GNA12: variants seen among roughly 807,000 people sequenced by gnomAD.
GNA12 encodes guanine nucleotide-binding protein subunit alpha-12.
GNA12 carries 9 observed loss-of-function variants against 26.0 expected under a neutral mutation model. That is an observed-to-expected ratio of 0.35 (90% CI 0.21 to 0.60). The LOEUF (loss-of-function observed/expected upper bound fraction) is 0.60, where lower values mean the gene tolerates loss of function less well. Ranked by LOEUF, GNA12 falls within the 20% of genes least tolerant of loss-of-function variation. The pLI is 0.78. For synonymous variants in GNA12, 264 were observed against 219.6 expected, an observed-to-expected ratio of 1.20 and a Z score of -1.79; for missense variants, 405 against 525.8, an observed-to-expected ratio of 0.77 and a Z score of 2.25.
chr7:2,759,562 G>T (rs894820898), intron 2 of GNA12, among the ~76,000 whole-genome samples: 5 of 152,380 alleles, frequency 3.3e-5, no homozygotes, highest in Non-Finnish European at 7.3e-5. Context: ...GAATAGTGGT[G>T]ACGCTGGGGT....
intron 1 of GNA12, among the ~76,000 whole-genome samples, chr7:2,800,645 G>A (rs1047113374): frequency 6.6e-6 from 1 of 152,148 alleles, no homozygotes; most frequent in African/African-American, 2.4e-5. Flanking sequence ...TGGAGAGGGA[G>A]GGTTAGCAGA....
intron 3 of GNA12, among the ~76,000 whole-genome samples, chr7:2,732,256 TTAA>T (rs1356054459): frequency 1.3e-5 from 2 of 152,194 alleles, no homozygotes; most frequent in African/African-American, 2.4e-5. Flanking sequence ...CTTTGCACTA[TTAA>T]TAATCCTCCA....
In GNA12 at chr7:2,730,803, T is replaced by C. The variant is rs1304439078; in HGVS notation, c.*378A>G. On this transcript the variant is annotated 3_prime_UTR_variant, in exon 4 of 4. Transcript: ENST00000275364. ...TCTGCAAGGCCAGCTGGTTTTTGTG[T>C]TTCTGTCATTAAAGACAGAGCGTGT... is the stretch of plus-strand genomic sequence containing the variant. 2 of 174,098 alleles carry C rather than the reference T, an allele frequency of 1.1e-5. No homozygotes were observed. Among genetic ancestry groups the C allele is most frequent in the Non-Finnish European group, 2.5e-5 (2 of 81,620 alleles). 10.8% of individuals were successfully genotyped at this position (174,098 alleles called of 1,614,324 possible).
chr7:2,796,112 C>T lies in GNA12; in HGVS notation c.310-969G>A, dbSNP rs570591508. Among the ~76,000 whole-genome samples the T allele has an allele frequency of 8.7e-4, 126 of 144,630 alleles. 1 individual carries two copies. The highest frequency in any genetic ancestry group is 1.3e-3 in the Non-Finnish European group (91 of 67,932). 94.9% of individuals were successfully genotyped at this position (144,630 alleles called of 152,430 possible). A position where few individuals can be genotyped will look rare whatever the true frequency, so the allele number is the denominator to read the frequency against. The stretch of plus-strand genomic sequence containing the variant: ...AACTCCTGACCTCAGCTGATCCGCC[C>T]GCCTCAGCCTCCCCGCCAAAAAAAC... On this transcript the variant is annotated intron_variant, in intron 1 of 3. Coordinates refer to ENST00000275364, the MANE Select transcript of GNA12 (RefSeq NM_007353.3).
chr7:2,843,276 G>A (rs1779055767), intron 1 of GNA12, among the ~76,000 whole-genome samples: 1 of 152,144 alleles, frequency 6.6e-6, no homozygotes, highest in Admixed American at 6.5e-5. Context: ...AGGGGGCTAA[G>A]TGCCAAGCCC....
intron 2 of GNA12, among the ~76,000 whole-genome samples, chr7:2,773,105 G>A (rs896266212): frequency 6.6e-6 from 1 of 152,232 alleles, no homozygotes; most frequent in African/African-American, 2.4e-5. Context: ...TGGTCACCAG[G>A]AGGAGTGGTA....
intron 2 of GNA12, among the ~76,000 whole-genome samples, chr7:2,743,922 C>T (rs1790634312): frequency 6.6e-6 from 1 of 151,910 alleles, no homozygotes; most frequent in Non-Finnish European, 1.5e-5. Context: ...TTGCTCATTG[C>T]TAGCACAGCA....
Position 2,780,051 on chromosome 7 carries a change from C to CATATATATATATATAT in GNA12, c.525+14861_525+14876dup, listed in dbSNP as rs3996399. Among the ~76,000 whole-genome samples the CATATATATATATATAT allele has an allele frequency of 3.1e-4, 19 of 62,196 alleles. 1 individual carries two copies. Among genetic ancestry groups the CATATATATATATATAT allele is most frequent in the East Asian group, 8.9e-4 (2 of 2,236 alleles). The allele number at this position is 62,196 out of a possible 152,430, so 40.8% of individuals were successfully genotyped here. ...CTAGTTTTTTACACATTTCTGTGTACATATATATATATATATATATATATA... is the reference window on the plus strand; with the variant it reads ...CTAGTTTTTTACACATTTCTGTGTACATATATATATATATATATATATATATATATATATATATATA... On this transcript the variant is annotated intron_variant, in intron 2 of 3. Transcript: ENST00000275364.
intron 1 of GNA12, among the ~76,000 whole-genome samples, chr7:2,831,238 T>G (rs1793598636): frequency 6.6e-6 from 1 of 151,934 alleles, no homozygotes; most frequent in South Asian, 2.1e-4. Context: ...TTTCTATTTC[T>G]CAATTCTGAC....
At chr7:2,805,880 G>A (rs1273284707) in intron 1 of GNA12, among the ~76,000 whole-genome samples, 2 of 152,108 alleles carry the variant, frequency 1.3e-5, no homozygotes, top group Admixed American at 1.3e-4. Context: ...CTCTGTCCCA[G>A]CCACGAGGGC....
intron 3 of GNA12, among the ~76,000 whole-genome samples, chr7:2,732,728 C>T (rs1010599540): frequency 1.3e-5 from 2 of 152,150 alleles, no homozygotes; most frequent in Non-Finnish European, 2.9e-5. Flanking sequence ...AATAACACTG[C>T]AGGGGTGGAA....
At chr7:2,735,429 T>C (rs1289204486) in intron 2 of GNA12, among the ~76,000 whole-genome samples, 1 of 151,324 alleles carries the variant, frequency 6.6e-6, no homozygotes, top group African/African-American at 2.4e-5. Context: ...CCAGTGCTCT[T>C]ATCACCACAG....
intron 2 of GNA12, among the ~76,000 whole-genome samples, chr7:2,769,068 T>G (rs1410020988): frequency 6.6e-6 from 1 of 152,162 alleles, no homozygotes; most frequent in Non-Finnish European, 1.5e-5. Flanking sequence ...CACACCCAGC[T>G]AATTTTTGTA....
rs71026556 is a variant in GNA12 at position 2,789,132 on chromosome 7, CTTTT to C, written c.525+5792_525+5795del. Reference sequence around the variant, plus strand: ...ACCGTGCCCGGACCCCTTCAGGCATCTTTTTTTTTTTTTTTTTTTTTGAGACGGA... The same window carrying C: ...ACCGTGCCCGGACCCCTTCAGGCATCTTTTTTTTTTTTTTTTTGAGACGGA... On this transcript the variant is annotated intron_variant, in intron 2 of 3. Transcript: ENST00000275364. 3.8e-4 allele frequency among the ~76,000 whole-genome samples: 28 copies of C among 72,830 alleles called. 1 individual carries two copies. Among genetic ancestry groups the C allele is most frequent in the African/African-American group, 1.2e-3 (24 of 20,074 alleles). 47.8% of individuals were successfully genotyped at this position (72,830 alleles called of 152,430 possible).
At chr7:2,758,658 C>T (rs1218768478) in intron 2 of GNA12, among the ~76,000 whole-genome samples, 3 of 152,184 alleles carry the variant, frequency 2.0e-5, no homozygotes, top group Non-Finnish European at 2.9e-5. Flanking sequence ...CCCCACAGCA[C>T]ACTTGGAGGA....
intron 1 of GNA12, among the ~76,000 whole-genome samples, chr7:2,820,866 G>T (rs1456051445): frequency 6.6e-6 from 1 of 152,224 alleles, no homozygotes; most frequent in Non-Finnish European, 1.5e-5. Flanking sequence ...AGACTCCCAT[G>T]TAGCTGGGAT....
intron 1 of GNA12, among the ~76,000 whole-genome samples, chr7:2,810,948 C>G (rs2644276): frequency 0.58 from 87,750 of 151,518 alleles, 25,684 homozygotes; most frequent in Non-Finnish European, 0.63. Flanking sequence ...AATGAGATAA[C>G]ATGTGGAAGG....
chr7:2,746,519 G>C (rs1216833546), intron 2 of GNA12, among the ~76,000 whole-genome samples: 2 of 151,766 alleles, frequency 1.3e-5, no homozygotes, highest in African/African-American at 4.9e-5. Flanking sequence ...ATTCAAAGCA[G>C]TGTGTAGAGG....
chr7:2,765,289 A>C (rs566623919), intron 2 of GNA12, among the ~76,000 whole-genome samples: 1 of 151,924 alleles, frequency 6.6e-6, no homozygotes, highest in South Asian at 2.1e-4. Context: ...CTGGGACCAC[A>C]GGCACCCGCC....
Sources: allele counts gnomAD v4.1 joint callset (sites outside exome capture counted in the v4.1 genomes callset), GRCh38; gene constraint gnomAD v4.1.1; transcripts MANE v1.5; gene names NCBI Gene and HGNC (gene_info 2026-07-23, HGNC 2026-07-21).